GRIN2B: variants seen among roughly 807,000 people sequenced by gnomAD.
The protein encoded by GRIN2B is glutamate receptor ionotropic, NMDA 2B.
A neutral mutation model predicts 114.5 loss-of-function variants in GRIN2B; 5 were observed. That is an observed-to-expected ratio of 0.04 (90% confidence interval 0.02 to 0.09). The LOEUF (loss-of-function observed/expected upper bound fraction) is 0.09, where lower values mean the gene tolerates loss of function less well. GRIN2B is among the 10% of genes least tolerant of loss of function. The pLI, the probability that GRIN2B is intolerant of heterozygous loss-of-function variation, is 1.00. For missense variants in GRIN2B, 1,108 were observed against 1,943.5 expected (o/e 0.57, Z 8.08); for synonymous variants, 787 against 745.1 (o/e 1.06, Z -0.92).
intron 3 of GRIN2B, among the ~76,000 whole-genome samples, chr12:13,767,259 A>C (rs1863813345): frequency 2.8e-5 from 1 of 36,066 alleles, no homozygotes. Flanking sequence ...ACTCTGTCTC[A>C]AAAAAAAAAA....
intron 3 of GRIN2B, among the ~76,000 whole-genome samples, chr12:13,772,266 A>G (rs76251081): frequency 0.021 from 3,141 of 152,208 alleles, 103 homozygotes; most frequent in African/African-American, 0.072. Flanking sequence ...GCCAGCCACA[A>G]TTCCACTTCA....
intron 2 of GRIN2B, among the ~76,000 whole-genome samples, chr12:13,950,033 AG>A (rs1867451342): frequency 6.6e-6 from 1 of 152,192 alleles, no homozygotes; most frequent in Admixed American, 6.5e-5. Context: ...GAACCTAAGA[AG>A]AAAAAATAAG....
chr12:13,784,480 C>T (rs1458062281), intron 3 of GRIN2B, among the ~76,000 whole-genome samples: 2 of 152,122 alleles, frequency 1.3e-5, no homozygotes, highest in Non-Finnish European at 2.9e-5. Flanking sequence ...ATAGCTGTCC[C>T]ACTAATGATG....
In GRIN2B at chr12:13,538,776, C is replaced by T. The variant is rs1948240906; in HGVS notation, c.*24007G>A. On this transcript the variant is annotated 3_prime_UTR_variant, in exon 14 of 14. Transcript: ENST00000609686. ...GCTGCAGTGAGCCGTAATCATACCT[C>T]TCCACTCCAGCCTGGATGACAGAGC... is the stretch of plus-strand genomic sequence containing the variant. 1 of 151,826 alleles carries T rather than the reference C, an allele frequency of 6.6e-6. No homozygotes were observed. Among genetic ancestry groups the T allele is most frequent in the South Asian group, 2.1e-4 (1 of 4,810 alleles). 9.4% of individuals were successfully genotyped at this position (151,826 alleles called of 1,614,324 possible). A position where few individuals can be genotyped will look rare whatever the true frequency, so the allele number is the denominator to read the frequency against.
chr12:13,877,432 C>CA (rs1293623748), intron 2 of GRIN2B, among the ~76,000 whole-genome samples: 1 of 152,220 alleles, frequency 6.6e-6, no homozygotes, highest in Non-Finnish European at 1.5e-5. Flanking sequence ...GTTAGCCACA[C>CA]AACTAAGCAT....
intron 4 of GRIN2B, among the ~76,000 whole-genome samples, chr12:13,707,206 CTCTT>C (rs1950367999): frequency 1.3e-5 from 2 of 152,192 alleles, no homozygotes; most frequent in Admixed American, 1.3e-4. Flanking sequence ...CTTGTAGTCT[CTCTT>C]TCACTCCAGC....
At chr12:13,768,107 C>T (rs143315500) in intron 3 of GRIN2B, among the ~76,000 whole-genome samples, 677 of 152,320 alleles carry the variant, frequency 4.4e-3, no homozygotes, top group Middle Eastern at 0.02. Flanking sequence ...TGAATGCCTT[C>T]TAGAGTCAGA....
intron 4 of GRIN2B, among the ~76,000 whole-genome samples, chr12:13,706,704 T>A (rs12372461): frequency 6.6e-6 from 1 of 151,932 alleles, no homozygotes; most frequent in Non-Finnish European, 1.5e-5. Context: ...GAAGATTTTT[T>A]GAATCTCCTA....
intron 2 of GRIN2B, among the ~76,000 whole-genome samples, chr12:13,908,686 A>G (rs1866583531): frequency 6.6e-6 from 1 of 152,164 alleles, no homozygotes; most frequent in Non-Finnish European, 1.5e-5. Flanking sequence ...ACAACATTTC[A>G]AATACATGAA....
At chr12:13,799,305 G>A (rs220566) in intron 3 of GRIN2B, among the ~76,000 whole-genome samples, 148,414 of 152,270 alleles carry the variant, frequency 0.97, 72,437 homozygotes, top group Middle Eastern at 1. Context: ...GCAAAGGATG[G>A]GTGACATGTT....
chr12:13,903,538 T>C (rs1416501321), intron 2 of GRIN2B, among the ~76,000 whole-genome samples: 1 of 152,162 alleles, frequency 6.6e-6, no homozygotes, highest in Admixed American at 6.5e-5. Context: ...TGCTTTTTAC[T>C]TATAGCTAAA....
At position 13,544,677 on chromosome 12, in the gene GRIN2B, T is replaced by C. The variant is rs1948322029; in HGVS notation, c.*18106A>G. 5 of 152,192 alleles carry C rather than the reference T, an allele frequency of 3.3e-5. No individual in the cohort carries two copies. The highest frequency in any genetic ancestry group is 3.3e-4 in the Admixed American group (5 of 15,282). The allele number at this position is 152,192 out of a possible 1,614,324, so 9.4% of individuals were successfully genotyped here. On this transcript the variant is annotated 3_prime_UTR_variant, in exon 14 of 14. Transcript: ENST00000609686. ...GCTCAGGCCAAACATTCTAAGGTTA[T>C]TCTTAAGATTTTTCTTTCTCTTATT... is the stretch of plus-strand genomic sequence containing the variant.
intron 3 of GRIN2B, among the ~76,000 whole-genome samples, chr12:13,778,254 C>T (rs938348826): frequency 6.6e-6 from 1 of 152,034 alleles, no homozygotes; most frequent in African/African-American, 2.4e-5. Context: ...CTCTGAATCC[C>T]CTCAAACTCT....
Position 13,563,008 on chromosome 12 carries a change from C to T in GRIN2B, c.4230G>A (p.Thr1410=), listed in dbSNP as rs149655315. 1.7e-4 allele frequency: 281 copies of T among 1,613,706 alleles called. No individual in the cohort carries two copies. Among genetic ancestry groups the T allele is most frequent in the African/African-American group, 1.5e-4 (11 of 74,922 alleles). Residue 1410 remains threonine (T), a synonymous_variant, in exon 14 of 14, where the codon ACG becomes ACA. Coordinates refer to ENST00000609686, the MANE Select transcript of GRIN2B (RefSeq NM_000834.5). ...GSKSYFFRQP[T]VAGASKARPD... is the part of the protein sequence containing the mutation. Reference sequence around the variant, plus strand: ...GCCTGGCTTTCGACGCCCCCGCCACCGTGGGCTGCCTGAAGAAGTAGGATT... The same window carrying T: ...GCCTGGCTTTCGACGCCCCCGCCACTGTGGGCTGCCTGAAGAAGTAGGATT...
intron 3 of GRIN2B, among the ~76,000 whole-genome samples, chr12:13,804,373 T>C (rs773160911): frequency 2.6e-5 from 4 of 152,144 alleles, no homozygotes; most frequent in Non-Finnish European, 2.9e-5. Flanking sequence ...TTTCATATAG[T>C]CTTATGCCTT....
rs976633507 is a variant in GRIN2B at position 13,562,069 on chromosome 12, C to T, written c.*714G>A. 1.3e-5 allele frequency: 2 copies of T among 152,864 alleles called. No individual in the cohort carries two copies. The highest frequency in any genetic ancestry group is 4.8e-5 in the African/African-American group (2 of 41,468). The allele number at this position is 152,864 out of a possible 1,614,324, so 9.5% of individuals were successfully genotyped here. On this transcript the variant is annotated 3_prime_UTR_variant, in exon 14 of 14. Coordinates refer to ENST00000609686, the MANE Select transcript of GRIN2B (RefSeq NM_000834.5). ...CACACATGCACGCACAATCCACCTGCTCTTGTCCCCAAGGCACCGTGGGAC... is the reference window on the plus strand; with the variant it reads ...CACACATGCACGCACAATCCACCTGTTCTTGTCCCCAAGGCACCGTGGGAC...
chr12:13,674,423 A>C (rs2136539467), intron 5 of GRIN2B, among the ~76,000 whole-genome samples: 1 of 152,254 alleles, frequency 6.6e-6, no homozygotes, highest in Non-Finnish European at 1.5e-5. Context: ...CCTATCTGAC[A>C]AGAGAAAATG....
At position 13,615,067 on chromosome 12, in the gene GRIN2B, C is replaced by T; in HGVS notation, c.1654+47G>A. The T allele has an allele frequency of 6.5e-7, 1 of 1,538,776 alleles. No individual in the cohort carries two copies. The highest frequency in any genetic ancestry group is 9.0e-7 in the Non-Finnish European group (1 of 1,111,382). On this transcript the variant is annotated intron_variant, in intron 8 of 13. Transcript: ENST00000609686. The surrounding 1 kb of genome is among the most constrained non-coding windows in gnomAD (Gnocchi z 5.8). ...TGCTCCTTTTTTCCTTATTTCACTT[C>T]CCCATCCATACGTCCATTTCCTTCC... is the stretch of plus-strand genomic sequence containing the variant.
At chr12:13,979,813 T>G (rs1863099345) in intron 2 of GRIN2B, 115 bp downstream of exon 2, 1 of 152,174 alleles carries the variant, frequency 6.6e-6, no homozygotes, top group African/African-American at 2.4e-5. Flanking sequence ...CAGCATTATT[T>G]TCATATCTTG....
Sources: allele counts gnomAD v4.1 joint callset (sites outside exome capture counted in the v4.1 genomes callset), GRCh38; gene constraint gnomAD v4.1.1; non-coding constraint Gnocchi (gnomAD v3.1); transcripts MANE v1.5; gene names NCBI Gene and HGNC (gene_info 2026-07-23, HGNC 2026-07-21).